The following SMYD3 variants were observed in gnomAD, a reference collection of about 807,000 sequenced individuals.
The protein encoded by SMYD3 is histone-lysine N-methyltransferase SMYD3.
SMYD3 carries 36 observed loss-of-function variants against 57.7 expected under a neutral mutation model. That is an observed-to-expected ratio of 0.62 (90% CI 0.48 to 0.82). The LOEUF is 0.82. SMYD3 is among the 40% of genes least tolerant of loss of function. The pLI, the probability that SMYD3 is intolerant of heterozygous loss-of-function variation, is 0.00. For synonymous variants in SMYD3, 211 were observed against 195.0 expected (o/e 1.08, Z -0.68); for missense variants, 515 against 538.8 (o/e 0.96, Z 0.44).
chr1:246,019,190 T>C (rs931908511), intron 5 of SMYD3, among the ~76,000 whole-genome samples: 1 of 152,176 alleles, frequency 6.6e-6, no homozygotes, highest in Admixed American at 6.5e-5. Flanking sequence ...AGTCTGGCAA[T>C]GTTTGGAGAC....
intron 1 of SMYD3, among the ~76,000 whole-genome samples, chr1:246,382,374 C>T (rs1315693321): frequency 1.3e-5 from 2 of 152,150 alleles, no homozygotes; most frequent in Non-Finnish European, 2.9e-5. Context: ...TCCAGGCCAG[C>T]ACCCATGGAC....
intron 1 of SMYD3, among the ~76,000 whole-genome samples, chr1:246,445,403 G>A (rs1304829155): frequency 2.6e-5 from 4 of 152,166 alleles, no homozygotes; most frequent in African/African-American, 4.8e-5. Flanking sequence ...CCTGTCCTAT[G>A]TCCCTAAAAT....
At chr1:245,863,280 T>C (rs2051653533) in intron 9 of SMYD3, among the ~76,000 whole-genome samples, 1 of 152,192 alleles carries the variant, frequency 6.6e-6, no homozygotes, top group Admixed American at 6.5e-5. Context: ...ATGACCTTCA[T>C]CCTACATGGT....
intron 5 of SMYD3, among the ~76,000 whole-genome samples, chr1:246,303,195 C>CT (rs1401804191): frequency 6.6e-6 from 1 of 152,152 alleles, no homozygotes; most frequent in African/African-American, 2.4e-5. Context: ...TAAAATTCTG[C>CT]TAATAATAGT....
intron 5 of SMYD3, among the ~76,000 whole-genome samples, chr1:246,183,972 T>C (rs1476623182): frequency 6.6e-6 from 1 of 152,136 alleles, no homozygotes; most frequent in Non-Finnish European, 1.5e-5. Flanking sequence ...CTTTAATAAA[T>C]GATGAGAAAA....
chr1:246,380,949 G>A (rs1255189217), intron 1 of SMYD3, among the ~76,000 whole-genome samples: 1 of 152,206 alleles, frequency 6.6e-6, no homozygotes, highest in African/African-American at 2.4e-5. Flanking sequence ...CCAGGTGTCA[G>A]ATGGATGCTC....
At chr1:245,934,866 CG>C (rs573405785) in intron 5 of SMYD3, among the ~76,000 whole-genome samples, 63 of 152,168 alleles carry the variant, frequency 4.1e-4, no homozygotes, top group African/African-American at 1.5e-3. Flanking sequence ...TGTAAGGTTG[CG>C]GGGACAAAGG....
intron 5 of SMYD3, among the ~76,000 whole-genome samples, chr1:246,311,079 A>G (rs2065068677): frequency 6.6e-6 from 1 of 152,170 alleles, no homozygotes; most frequent in African/African-American, 2.4e-5. Flanking sequence ...TGAGAGCTCT[A>G]TATTATTTTG....
intron 5 of SMYD3, among the ~76,000 whole-genome samples, chr1:246,227,305 C>A (rs558526756): frequency 5.4e-4 from 82 of 152,248 alleles, no homozygotes; most frequent in Non-Finnish European, 1.0e-3. Context: ...CACTGGGGCG[C>A]CCTCAGGAGG....
intron 1 of SMYD3, among the ~76,000 whole-genome samples, chr1:246,481,625 T>TATACAC (rs1459254899): frequency 1.1e-5 from 1 of 90,442 alleles, no homozygotes; most frequent in Non-Finnish European, 2.0e-5. Context: ...CATATATACA[T>TATACAC]ACATACATAC....
rs910244011 is a variant in SMYD3 at position 246,490,087 on chromosome 1, C to A, written c.164+16967G>T. ...GAGCTTCTGGGCTCAAGTGATCTCACCTTGACCTCCCAAAGTGCTGGCAGT... is the reference window on the plus strand; with the variant it reads ...GAGCTTCTGGGCTCAAGTGATCTCAACTTGACCTCCCAAAGTGCTGGCAGT... On this transcript the variant is annotated intron_variant, in intron 1 of 11. Coordinates refer to ENST00000490107, the MANE Select transcript of SMYD3 (RefSeq NM_001167740.2). Among the ~76,000 whole-genome samples the A allele has an allele frequency of 4.7e-5, 7 of 149,134 alleles. No homozygotes were observed. In the South Asian group the frequency reaches 1.1e-3, roughly 23 times the overall value.
intron 1 of SMYD3, among the ~76,000 whole-genome samples, chr1:246,405,985 G>T (rs971647845): frequency 6.6e-6 from 1 of 151,752 alleles, no homozygotes; most frequent in South Asian, 2.1e-4. Context: ...CTGAATCGCT[G>T]CAACAGTCTG....
At chr1:245,852,933 T>A (rs1175305087) in intron 10 of SMYD3, among the ~76,000 whole-genome samples, 2 of 152,080 alleles carry the variant, frequency 1.3e-5, no homozygotes, top group Non-Finnish European at 2.9e-5. Context: ...ATTTCACACA[T>A]ACGAACACAC....
chr1:246,031,466 A>G (rs925550983), intron 5 of SMYD3, among the ~76,000 whole-genome samples: 11 of 152,144 alleles, frequency 7.2e-5, no homozygotes, highest in African/African-American at 2.4e-4. Flanking sequence ...GGCCAGGCGC[A>G]GTGGCTCACG....
chr1:245,752,242 A>G (rs1023394813), intron 11 of SMYD3, among the ~76,000 whole-genome samples: 3 of 152,328 alleles, frequency 2.0e-5, no homozygotes, highest in Admixed American at 1.3e-4. Context: ...CTGCCTGGAA[A>G]GATCTTTGCA....
intron 10 of SMYD3, among the ~76,000 whole-genome samples, chr1:245,793,120 T>A (rs2791389): frequency 4.1e-5 from 6 of 144,910 alleles, no homozygotes; most frequent in African/African-American, 1.0e-4. Context: ...CCATCCTGGC[T>A]AACACGGTGA....
intron 1 of SMYD3, among the ~76,000 whole-genome samples, chr1:246,373,417 ATAATT>A (rs572137081): frequency 6.6e-6 from 1 of 152,334 alleles, no homozygotes; most frequent in Admixed American, 6.5e-5. Context: ...TTATTCAAAC[ATAATT>A]TAAATTAAAT....
intron 5 of SMYD3, among the ~76,000 whole-genome samples, chr1:246,065,214 G>A (rs1193811858): frequency 6.6e-6 from 1 of 152,152 alleles, no homozygotes; most frequent in African/African-American, 2.4e-5. Context: ...TTTCCTCCTA[G>A]TTCTTCAGCT....
At chr1:246,478,909 C>T (rs2068065496) in intron 1 of SMYD3, among the ~76,000 whole-genome samples, 1 of 141,818 alleles carries the variant, frequency 7.1e-6, no homozygotes, top group South Asian at 2.3e-4. Flanking sequence ...CATAAGTGCT[C>T]GTATATGTAC....
Sources: gnomAD v4.1 joint callset for allele counts (sites outside exome capture counted in the v4.1 genomes callset) on GRCh38, gnomAD v4.1.1 for gene constraint, MANE v1.5 for transcripts, NCBI Gene and HGNC (gene_info 2026-07-23, HGNC 2026-07-21) for gene names.